PIK3R4: variants seen among roughly 807,000 people sequenced by gnomAD.
PIK3R4 encodes phosphoinositide-3-kinase regulatory subunit 4.
Under a neutral mutation model 136.5 loss-of-function variants are expected in PIK3R4, and 46 were observed. The observed-to-expected ratio is 0.34, with a 90% CI of 0.27 to 0.43. The LOEUF (loss-of-function observed/expected upper bound fraction) is 0.43. Ranked by LOEUF, PIK3R4 falls within the 20% of genes least tolerant of loss-of-function variation. The pLI is 1.00. For missense variants in PIK3R4, 1,331 were observed against 1,649.5 expected (o/e 0.81, Z 3.35); for synonymous variants, 557 against 566.7 (o/e 0.98, Z 0.24).
intron 16 of PIK3R4, 134 bp from the exon 17 acceptor site, chr3:130,681,725 T>C: frequency 1.7e-6 from 1 of 584,274 alleles, no homozygotes; most frequent in Non-Finnish European, 3.1e-6. Context: ...CAATATAATA[T>C]TCACTTAATA....
At chr3:130,692,914 A>G (rs1422884751) in intron 13 of PIK3R4, among the ~76,000 whole-genome samples, 8 of 152,222 alleles carry the variant, frequency 5.3e-5, no homozygotes, top group Admixed American at 2.6e-4. Flanking sequence ...ACATTTTACA[A>G]CTATCACCAT....
chr3:130,741,057 A>G (rs976738819), intron 2 of PIK3R4, among the ~76,000 whole-genome samples: 1 of 152,320 alleles, frequency 6.6e-6, no homozygotes, highest in East Asian at 1.9e-4. Flanking sequence ...AACTAAATGG[A>G]GGTTTTATTG....
At chr3:130,734,203 G>T in intron 3 of PIK3R4, 73 bp from the exon 4 acceptor site, 1 of 1,204,674 alleles carries the variant, frequency 8.3e-7, no homozygotes, top group South Asian at 1.5e-5. Flanking sequence ...AGCTACAAAG[G>T]CAATTTACAT....
chr3:130,701,491 AAC>A (rs1193975044), intron 13 of PIK3R4, among the ~76,000 whole-genome samples: 1 of 151,866 alleles, frequency 6.6e-6, no homozygotes, highest in Non-Finnish European at 1.5e-5. Flanking sequence ...CATCCTGGGC[AAC>A]AGAGCGAGAC....
intron 6 of PIK3R4, 116 bp from the exon 7 acceptor site, chr3:130,723,703 A>G (rs1032313701): frequency 1.8e-5 from 14 of 781,292 alleles, no homozygotes; most frequent in African/African-American, 5.3e-5. Flanking sequence ...CCTAGGAAAG[A>G]ACATTGCACT....
chr3:130,739,710 T>C (rs2066809768), intron 2 of PIK3R4, among the ~76,000 whole-genome samples: 1 of 152,072 alleles, frequency 6.6e-6, no homozygotes, highest in African/African-American at 2.4e-5. Flanking sequence ...AGGTTATTAG[T>C]TGCAAGGGAT....
chr3:130,742,203 T>G (rs1412068126), intron 2 of PIK3R4, among the ~76,000 whole-genome samples: 1 of 152,234 alleles, frequency 6.6e-6, no homozygotes, highest in Non-Finnish European at 1.5e-5. Flanking sequence ...AGTGGACAGA[T>G]GCCACCCACC....
chr3:130,692,508 G>A (rs2066524715), intron 13 of PIK3R4, among the ~76,000 whole-genome samples: 1 of 152,152 alleles, frequency 6.6e-6, no homozygotes, highest in Non-Finnish European at 1.5e-5. Context: ...TAATGTCAAA[G>A]TTTATGGTGT....
chr3:130,690,768 G>T, intron 13 of PIK3R4, 114 bp from the exon 14 acceptor site: 1 of 611,192 alleles, frequency 1.6e-6, no homozygotes, highest in Non-Finnish European at 2.8e-6. Context: ...TAATCTCCCT[G>T]ATCTCAGGAC....
chr3:130,705,464 C>A (rs993881751), intron 12 of PIK3R4, 97 bp downstream of exon 12: 32 of 760,806 alleles, frequency 4.2e-5, no homozygotes, highest in Middle Eastern at 2.4e-4. Context: ...TTTGTTCTTA[C>A]CTCTTTTGTC....
intron 7 of PIK3R4, among the ~76,000 whole-genome samples, chr3:130,722,629 G>A (rs73868954): frequency 0.036 from 5,397 of 152,024 alleles, 334 homozygotes; most frequent in African/African-American, 0.12. Flanking sequence ...TCAAGTCTAC[G>A]AATTCTTAAC....
At chr3:130,697,319 G>A (rs1430991341) in intron 13 of PIK3R4, among the ~76,000 whole-genome samples, 3 of 151,932 alleles carry the variant, frequency 2.0e-5, no homozygotes, top group African/African-American at 4.8e-5. Flanking sequence ...GTGATCCACC[G>A]CCTCAGCCTC....
chr3:130,700,646 T>C (rs150506034), intron 13 of PIK3R4, among the ~76,000 whole-genome samples: 39 of 152,344 alleles, frequency 2.6e-4, no homozygotes, highest in African/African-American at 8.9e-4. Context: ...GACTGGGAAC[T>C]GAATGGTCTG....
intron 3 of PIK3R4, 28 bp downstream of exon 3, chr3:130,735,841 T>G: frequency 6.3e-7 from 1 of 1,588,970 alleles, no homozygotes; most frequent in Non-Finnish European, 8.5e-7. Context: ...ATTAAAAACT[T>G]TATGGCGAAT....
intron 7 of PIK3R4, among the ~76,000 whole-genome samples, chr3:130,719,964 T>A (rs765020853): frequency 9.2e-5 from 14 of 152,104 alleles, no homozygotes; most frequent in Non-Finnish European, 1.9e-4. Context: ...GACAGATGAA[T>A]CACAGTCATC....
chr3:130,681,089 C>A, intron 17 of PIK3R4, 24 bp from the exon 18 acceptor site: 2 of 1,234,662 alleles, frequency 1.6e-6, no homozygotes, highest in South Asian at 2.4e-5. Flanking sequence ...GATGTGGAGT[C>A]AAATAAAAGA....
intron 16 of PIK3R4, 151 bp downstream of exon 16, chr3:130,684,099 G>T: frequency 1.6e-6 from 1 of 628,256 alleles, no homozygotes; most frequent in East Asian, 2.7e-5. Flanking sequence ...ATGACAGTGA[G>T]GTATCAATAG....
At chr3:130,742,139 A>G (rs1225503911) in intron 2 of PIK3R4, among the ~76,000 whole-genome samples, 1 of 152,234 alleles carries the variant, frequency 6.6e-6, no homozygotes, top group Admixed American at 6.5e-5. Flanking sequence ...ATATCCATCA[A>G]GAGGGGAAAG....
intron 14 of PIK3R4, among the ~76,000 whole-genome samples, chr3:130,688,356 T>C (rs1455782385): frequency 6.6e-6 from 1 of 152,258 alleles, no homozygotes; most frequent in African/African-American, 2.4e-5. Flanking sequence ...CCTTTTGTCA[T>C]TAGCCTCCCA....
Sources: gnomAD v4.1 joint callset for allele counts (sites outside exome capture counted in the v4.1 genomes callset) on GRCh38, gnomAD v4.1.1 for gene constraint, MANE v1.5 for transcripts, NCBI Gene and HGNC (gene_info 2026-07-23, HGNC 2026-07-21) for gene names.